The following SH3PXD2B variants were observed in gnomAD, a reference collection of about 807,000 sequenced individuals.
The protein encoded by SH3PXD2B is SH3 and PX domain-containing protein 2B.
Under a neutral mutation model 73.1 loss-of-function variants are expected in SH3PXD2B, and 37 were observed. The observed-to-expected ratio is 0.51, with a 90% CI of 0.39 to 0.67. The LOEUF (loss-of-function observed/expected upper bound fraction) is 0.67. SH3PXD2B is among the 30% of genes least tolerant of loss of function. SH3PXD2B has a pLI of 0.00. For missense variants in SH3PXD2B, 1,053 were observed against 1,197.8 expected (o/e 0.88, Z 1.78); for synonymous variants, 457 against 480.5 (o/e 0.95, Z 0.64).
rs1176354542 is a variant in SH3PXD2B, at chr5:172,352,505, C to G, written c.785+1383G>C. On this transcript the variant is annotated intron_variant, in intron 9 of 12. Transcript: ENST00000311601. ...CCTCCTCAAGTACTGGGATTACAGG[C>G]ATGAGCCACCGTGCCAGGCCCATGC... Among the ~76,000 whole-genome samples, 3 of 152,196 alleles carry G rather than the reference C, an allele frequency of 2.0e-5. No homozygotes were observed. The East Asian group carries it at 5.8e-4, about 29-fold the overall frequency.
At chr5:172,386,685 C>T (rs781411832) in intron 4 of SH3PXD2B, among the ~76,000 whole-genome samples, 4 of 152,134 alleles carry the variant, frequency 2.6e-5, no homozygotes, top group African/African-American at 7.2e-5. Context: ...GGCTGTAGCA[C>T]GGGGTGGGAT....
At position 172,338,388 on chromosome 5, in the gene SH3PXD2B, T is replaced by C; in HGVS notation, c.2717A>G (p.Tyr906Cys). The change falls in exon 13 of 13, where the codon TAT becomes TGT. Residue 906 changes from tyrosine to cysteine, a missense_variant. Tyr to Cys is a radical substitution (Grantham distance 194, BLOSUM62 -2). This residue lies in a region of SH3PXD2B where 587 missense variants were observed against 590.7 expected (regional missense o/e 0.99). Coordinates refer to ENST00000311601, the MANE Select transcript of SH3PXD2B (RefSeq NM_001017995.3). The surrounding 1 kb of genome is among the most constrained non-coding windows in gnomAD (Gnocchi z 5.1). ...AGTCGGCTACGGCTTCTTTCTGAGA[T>C]AGTTGGAAGGAATCCACCCTTCCCA... ...PSWEGWIPSN[Y>C]LRKKP 1.2e-6 allele frequency: 2 copies of C among 1,614,114 alleles called. No individual in the cohort carries two copies. Among genetic ancestry groups the C allele is most frequent in the Non-Finnish European group, 1.7e-6 (2 of 1,180,020 alleles).
At chr5:172,371,021 T>G (rs1383522915) in intron 6 of SH3PXD2B, among the ~76,000 whole-genome samples, 1 of 152,064 alleles carries the variant, frequency 6.6e-6, no homozygotes, top group Non-Finnish European at 1.5e-5. Flanking sequence ...GAAGAGGGGA[T>G]GAGAAAGAGG....
chr5:172,353,368 C>T lies in SH3PXD2B; in HGVS notation c.785+520G>A, dbSNP rs1236327891. 6.6e-6 allele frequency among the ~76,000 whole-genome samples: 1 copy of T among 152,186 alleles called. No individual in the cohort carries two copies. The highest frequency in any genetic ancestry group is 2.4e-5 in the African/African-American group (1 of 41,440). ...AACCAGGCAAGGCAGGACGAGCTGG[C>T]CACCCTGCCTGCCTGGGAGGCTCTG... is the stretch of plus-strand genomic sequence containing the variant. On this transcript the variant is annotated intron_variant, in intron 9 of 12. Transcript: ENST00000311601. This position sits in a 1 kb window ranked among gnomAD's most constrained non-coding sequence, Gnocchi z 4.3.
chr5:172,330,930 C>G (rs1485480003), downstream of SH3PXD2B, among the ~76,000 whole-genome samples: 2 of 152,242 alleles, frequency 1.3e-5, no homozygotes. Context: ...CGCGGTGGCT[C>G]ACGCCTGCAA....
chr5:172,394,327 T>C (rs773761543), intron 4 of SH3PXD2B, among the ~76,000 whole-genome samples: 7 of 152,180 alleles, frequency 4.6e-5, no homozygotes, highest in Non-Finnish European at 1.0e-4. Flanking sequence ...ACATACAGAA[T>C]GGTCTCAACA....
At chr5:172,380,156 C>T (rs771485484) in intron 5 of SH3PXD2B, among the ~76,000 whole-genome samples, 35 of 152,088 alleles carry the variant, frequency 2.3e-4, no homozygotes, top group Non-Finnish European at 2.9e-4. Flanking sequence ...CTCCTTGGCC[C>T]GAGCAATTCT....
intron 10 of SH3PXD2B, among the ~76,000 whole-genome samples, chr5:172,348,703 CTATCTATT>C (rs1392302156): frequency 0.17 from 6,646 of 38,558 alleles, 203 homozygotes; most frequent in Middle Eastern, 0.29. Context: ...ATCTATCTAT[CTATCTATT>C]TATTTATTTT....
At chr5:172,438,504 C>G (rs76727558) in intron 1 of SH3PXD2B, among the ~76,000 whole-genome samples, 4,863 of 152,224 alleles carry the variant, frequency 0.032, 238 homozygotes, top group African/African-American at 0.1. Flanking sequence ...ACCAAGGTGA[C>G]CTCACTCAAG....
At chr5:172,402,187 G>C (rs938122340) in intron 3 of SH3PXD2B, among the ~76,000 whole-genome samples, 4 of 152,126 alleles carry the variant, frequency 2.6e-5, no homozygotes, top group Non-Finnish European at 5.9e-5. Flanking sequence ...GTCTTTTATG[G>C]TTGTATGTAA....
chr5:172,381,463 T>G (rs1235056445), intron 5 of SH3PXD2B, among the ~76,000 whole-genome samples: 1 of 152,112 alleles, frequency 6.6e-6, no homozygotes, highest in African/African-American at 2.4e-5. Context: ...GAGTTTTATG[T>G]GGTGTGCACT....
At chr5:172,428,204 T>A (rs1224186784) in intron 1 of SH3PXD2B, among the ~76,000 whole-genome samples, 1 of 152,202 alleles carries the variant, frequency 6.6e-6, no homozygotes, top group African/African-American at 2.4e-5. Context: ...GAGAAACAAC[T>A]TCTATGCAGA....
intron 2 of SH3PXD2B, among the ~76,000 whole-genome samples, chr5:172,407,914 G>A (rs1758598066): frequency 6.6e-6 from 1 of 152,210 alleles, no homozygotes; most frequent in South Asian, 2.1e-4. Context: ...AAAGCGGAGG[G>A]GCCAGAGACT....
rs763372316 is a variant in SH3PXD2B, at chr5:172,406,362, G to A, written c.157-10C>T. 28 of 1,613,892 alleles carry A rather than the reference G, an allele frequency of 1.7e-5. No individual in the cohort carries two copies. In the East Asian group the frequency reaches 3.1e-4, roughly 18 times the overall value. On this transcript the variant is annotated splice_polypyrimidine_tract_variant and intron_variant, in intron 2 of 12. Coordinates refer to ENST00000311601, the MANE Select transcript of SH3PXD2B (RefSeq NM_001017995.3). The stretch of plus-strand genomic sequence containing the variant: ...TGTCCAACATCTGCATCTAAGTGGG[G>A]GGCGAATACCAAAAACAAAAACCTT...
At position 172,397,940 on chromosome 5, in the gene SH3PXD2B, C is replaced by T. The variant is rs567739426; in HGVS notation, c.233-3301G>A. Among the ~76,000 whole-genome samples the T allele has an allele frequency of 7.2e-5, 11 of 152,312 alleles. No individual in the cohort carries two copies. The East Asian group carries it at 1.2e-3, about 16-fold the overall frequency. The stretch of plus-strand genomic sequence containing the variant: ...GGGTTTAGGTTATCCTTTTTAGTGG[C>T]GGCCGCTGCCACGCCTCCTGATCCT... On this transcript the variant is annotated intron_variant, in intron 3 of 12. Coordinates refer to ENST00000311601, the MANE Select transcript of SH3PXD2B (RefSeq NM_001017995.3).
intron 10 of SH3PXD2B, among the ~76,000 whole-genome samples, chr5:172,348,530 G>T (rs1443029580): frequency 6.6e-6 from 1 of 152,128 alleles, no homozygotes; most frequent in African/African-American, 2.4e-5. Context: ...TTGTGAGAAA[G>T]AAATACATAT....
intron 1 of SH3PXD2B, among the ~76,000 whole-genome samples, chr5:172,440,216 C>T (rs550572380): frequency 7.9e-5 from 12 of 152,348 alleles, no homozygotes; most frequent in Non-Finnish European, 1.5e-4. Flanking sequence ...ACCCACTACG[C>T]GCAAGGCAGT....
chr5:172,402,230 T>C (rs543241971), intron 3 of SH3PXD2B, among the ~76,000 whole-genome samples: 10 of 152,320 alleles, frequency 6.6e-5, no homozygotes, highest in African/African-American at 2.4e-4. Context: ...CCTGTAGCAC[T>C]CCCAGGCTTA....
chr5:172,345,085 G>T (rs1474792987), intron 12 of SH3PXD2B, among the ~76,000 whole-genome samples: 1 of 149,412 alleles, frequency 6.7e-6, no homozygotes, highest in African/African-American at 2.5e-5. Context: ...AAGGAGGGAG[G>T]GAAGGAAAGA....
Sources: gnomAD v4.1 joint callset for allele counts (sites outside exome capture counted in the v4.1 genomes callset) on GRCh38, gnomAD v4.1.1 for gene constraint, gnomAD v4.1.1 regional missense constraint, Gnocchi (gnomAD v3.1) non-coding constraint, MANE v1.5 for transcripts, NCBI Gene and HGNC (gene_info 2026-07-23, HGNC 2026-07-21) for gene names.